KRTAP12-2: variants seen among roughly 807,000 people sequenced by gnomAD.
The protein encoded by KRTAP12-2 is keratin associated protein 12-2.
For missense variants in KRTAP12-2, 166 were observed against 184.2 expected (o/e 0.90, Z 0.57); for synonymous variants, 73 against 83.9 (o/e 0.87, Z 0.71).
chr21:44,666,688 GCA>G, the KRTAP12-2 span: 1 of 1,613,988 alleles, frequency 6.2e-7, no homozygotes, highest in Non-Finnish European at 8.5e-7. Context: ...AAGCTCATGG[GCA>G]CACACACAGA....
Position 44,666,674 on chromosome 21 carries a change from C to T in KRTAP12-2, c.213G>A (p.Lys71=). 6.2e-7 allele frequency: 1 copy of T among 1,613,252 alleles called. No individual in the cohort carries two copies. The highest frequency in any genetic ancestry group is 2.2e-5 in the East Asian group (1 of 44,874). ...AGCTCACGGGCACGCACACAGCTGA[C>T]TTGAAGCTCATGGGCACACACACAG... The part of the protein sequence containing the change: ...QSSVCVPMSF[K]SAVCVPVSCQ... The change falls in exon 1 of 1, where the codon AAG becomes AAA. Residue 71 remains lysine, a synonymous_variant. Coordinates refer to ENST00000360770, the MANE Select transcript of KRTAP12-2 (RefSeq NM_181684.3).
At position 44,666,863 on chromosome 21, in the gene KRTAP12-2, C is replaced by G; in HGVS notation, c.24G>C (p.Ser8=). The part of the protein sequence containing the change: MCHTSCS[S]GCQPACCAPS... ...GCGCGCAGCAGGCTGGCTGGCAGCC[C>G]GAGGAGCAGCTGGTATGACACATGG... The change falls in exon 1 of 1, where the codon TCG becomes TCC. Residue 8 remains serine (S), a synonymous_variant. Coordinates refer to ENST00000360770, the MANE Select transcript of KRTAP12-2 (RefSeq NM_181684.3). 1 of 1,613,602 alleles carries G rather than the reference C, an allele frequency of 6.2e-7. No individual in the cohort carries two copies. Among genetic ancestry groups the G allele is most frequent in the Non-Finnish European group, 8.5e-7 (1 of 1,179,718 alleles).
In KRTAP12-2 at chr21:44,666,878, A is replaced by G. The variant is rs782396885; in HGVS notation, c.9T>C (p.His3=). The change falls in exon 1 of 1, where the codon CAT becomes CAC. Residue 3 remains histidine, a synonymous_variant. Transcript: ENST00000360770. ...GCTGGCAGCCCGAGGAGCAGCTGGTATGACACATGGTGGCGTGTGGCTGGA... is the reference window on the plus strand; with the variant it reads ...GCTGGCAGCCCGAGGAGCAGCTGGTGTGACACATGGTGGCGTGTGGCTGGA... MC[H]TSCSSGCQPA... 3.7e-6 allele frequency: 6 copies of G among 1,613,362 alleles called. No individual in the cohort carries two copies. The highest frequency in any genetic ancestry group is 1.1e-5 in the South Asian group (1 of 91,004).
chr21:44,666,866 G>A lies in KRTAP12-2; in HGVS notation c.21C>T (p.Ser7=), dbSNP rs199664418. The change falls in exon 1 of 1, where the codon TCC becomes TCT. Residue 7 remains serine, a synonymous_variant. Transcript: ENST00000360770. ...CGCAGCAGGCTGGCTGGCAGCCCGA[G>A]GAGCAGCTGGTATGACACATGGTGG... MCHTSC[S]SGCQPACCAP... The A allele has an allele frequency of 1.9e-6, 3 of 1,613,588 alleles. No individual in the cohort carries two copies. The highest frequency in any genetic ancestry group is 1.3e-5 in the African/African-American group (1 of 74,938).
chr21:44,666,261 G>A lies in KRTAP12-2; in HGVS notation c.*185C>T. The A allele has an allele frequency of 5.5e-6, 4 of 730,186 alleles. No homozygotes were observed. Among genetic ancestry groups the A allele is most frequent in the Non-Finnish European group, 8.7e-6 (4 of 457,780 alleles). 45.2% of individuals were successfully genotyped at this position (730,186 alleles called of 1,614,324 possible). A position where few individuals can be genotyped will look rare whatever the true frequency, so the allele number is the denominator to read the frequency against. ...ACTCTGGGACCCCAGACTTCCCTGG[G>A]GGGATGGGCAAGGTCAGCAAGGGCT... On this transcript the variant is annotated 3_prime_UTR_variant, in exon 1 of 1. Coordinates refer to ENST00000360770, the MANE Select transcript of KRTAP12-2 (RefSeq NM_181684.3).
chr21:44,666,271 A>G lies in KRTAP12-2; in HGVS notation c.*175T>C, dbSNP rs1471732428. 2.5e-6 allele frequency: 2 copies of G among 805,138 alleles called. No individual in the cohort carries two copies. The highest frequency in any genetic ancestry group is 3.8e-6 in the Non-Finnish European group (2 of 523,004). The allele number at this position is 805,138 out of a possible 1,614,324, so 49.9% of individuals were successfully genotyped here. ...CCCAGACTTCCCTGGGGGGATGGGC[A>G]AGGTCAGCAAGGGCTCCAGATCATT... On this transcript the variant is annotated 3_prime_UTR_variant, in exon 1 of 1. Transcript: ENST00000360770.
In KRTAP12-2 at chr21:44,666,745, C is replaced by T. The variant is rs200766354; in HGVS notation, c.142G>A (p.Val48Met). ...AGGCACACGGCTGGCTTGAAGCTCA[C>T]GGGCACACACACGGAGGACTGGCAG... The part of the protein sequence containing the change: ...VGCQSSVCVP[V>M]SFKPAVCLPV... Residue 48 changes from valine (V) to methionine (M), a missense_variant, in exon 1 of 1, where the codon GTG (valine) becomes ATG (methionine). Transcript: ENST00000360770. The T allele has an allele frequency of 5.0e-5, 80 of 1,613,502 alleles. No individual in the cohort carries two copies. The highest frequency in any genetic ancestry group is 5.7e-5 in the Non-Finnish European group (67 of 1,179,870).
Position 44,666,753 on chromosome 21 carries a change from C to T in KRTAP12-2, c.134G>A (p.Cys45Tyr), listed in dbSNP as rs1985794378. 1 of 1,613,998 alleles carries T rather than the reference C, an allele frequency of 6.2e-7. No homozygotes were observed. Among genetic ancestry groups the T allele is most frequent in the Non-Finnish European group, 8.5e-7 (1 of 1,180,004 alleles). ...CVPVGCQSSVCVPVSFKPAVC... is the reference protein window; with the variant it reads ...CVPVGCQSSVYVPVSFKPAVC... ...GGCTGGCTTGAAGCTCACGGGCACA[C>T]ACACGGAGGACTGGCAGCCCACAGG... The change falls in exon 1 of 1, where the codon TGT becomes TAT. Residue 45 changes from cysteine to tyrosine, a missense_variant. Transcript: ENST00000360770.
At position 44,666,290 on chromosome 21, in the gene KRTAP12-2, G is replaced by T; in HGVS notation, c.*156C>A. 1 of 974,370 alleles carries T rather than the reference G, an allele frequency of 1.0e-6. No homozygotes were observed. The highest frequency in any genetic ancestry group is 1.5e-6 in the Non-Finnish European group (1 of 665,166). 60.4% of individuals were successfully genotyped at this position (974,370 alleles called of 1,614,324 possible). A position where few individuals can be genotyped will look rare whatever the true frequency, so the allele number is the denominator to read the frequency against. ...ATGGGCAAGGTCAGCAAGGGCTCCA[G>T]ATCATTCTGTCACATTCTCAATCCA... On this transcript the variant is annotated 3_prime_UTR_variant, in exon 1 of 1. Coordinates refer to ENST00000360770, the MANE Select transcript of KRTAP12-2 (RefSeq NM_181684.3).
rs1555944804 is a variant in KRTAP12-2 at position 44,666,642 on chromosome 21, G to A, written c.245C>T (p.Ser82Phe). The change falls in exon 1 of 1, where the codon TCT becomes TTT. Residue 82 changes from serine to phenylalanine, a missense_variant. Transcript: ENST00000360770. ...SAVCVPVSCQ[S>F]SVCVPVSCRP... ...GCAGCTCACAGGCACACACACAGAA[G>A]ACTGGCAGCTCACGGGCACGCACAC... is the stretch of plus-strand genomic sequence containing the variant. 1 of 1,613,594 alleles carries A rather than the reference G, an allele frequency of 6.2e-7. No individual in the cohort carries two copies. Among genetic ancestry groups the A allele is most frequent in the East Asian group, 2.2e-5 (1 of 44,870 alleles).
Position 44,666,834 on chromosome 21 carries a change from C to T in KRTAP12-2, c.53G>A (p.Ser18Asn), listed in dbSNP as rs143686476. The stretch of plus-strand genomic sequence containing the variant: ...CACACAACAGGCTGGCTGGCAGGGG[C>T]TGGGCGCGCAGCAGGCTGGCTGGCA... ...SGCQPACCAP[S>N]PCQPACCVPS... Residue 18 changes from serine (S) to asparagine (N), a missense_variant, in exon 1 of 1, where the codon AGC (serine) becomes AAC (asparagine). Ser to Asn is a conservative substitution (Grantham distance 46, BLOSUM62 1). Coordinates refer to ENST00000360770, the MANE Select transcript of KRTAP12-2 (RefSeq NM_181684.3). 1,871 of 1,609,460 alleles carry T rather than the reference C, an allele frequency of 1.2e-3. 11 individuals carry two copies. The highest frequency in any genetic ancestry group is 9.7e-3 in the Middle Eastern group (59 of 6,052).
chr21:44,666,696 ACAGAAGACT>A lies in KRTAP12-2; in HGVS notation c.182_190del (p.Gln61_Val64delinsLeu). On this transcript the variant is annotated inframe_deletion, in exon 1 of 1. Transcript: ENST00000360770. The stretch of plus-strand genomic sequence containing the variant: ...TGACTTGAAGCTCATGGGCACACAC[ACAGAAGACT>A]GGCAGCTCACGGGCAGGCACACGGC... 1 of 1,613,678 alleles carries A rather than the reference ACAGAAGACT, an allele frequency of 6.2e-7. No homozygotes were observed. The highest frequency in any genetic ancestry group is 8.5e-7 in the Non-Finnish European group (1 of 1,179,812).
chr21:44,666,307 C>T lies in KRTAP12-2; in HGVS notation c.*139G>A. ...GGGCTCCAGATCATTCTGTCACATTCTCAATCCAGAATTCAGAGGGTTCAA... is the reference window on the plus strand; with the variant it reads ...GGGCTCCAGATCATTCTGTCACATTTTCAATCCAGAATTCAGAGGGTTCAA... On this transcript the variant is annotated 3_prime_UTR_variant, in exon 1 of 1. Transcript: ENST00000360770. The T allele has an allele frequency of 9.2e-7, 1 of 1,081,752 alleles. No individual in the cohort carries two copies. The highest frequency in any genetic ancestry group is 1.3e-6 in the Non-Finnish European group (1 of 752,478). The allele number at this position is 1,081,752 out of a possible 1,614,324, so 67.0% of individuals were successfully genotyped here.
In KRTAP12-2 at chr21:44,666,579, G is replaced by A. The variant is rs782059284; in HGVS notation, c.308C>T (p.Ser103Phe). The change falls in exon 1 of 1, where the codon TCC (serine) becomes TTC (phenylalanine). Residue 103 changes from serine to phenylalanine, a missense_variant. Coordinates refer to ENST00000360770, the MANE Select transcript of KRTAP12-2 (RefSeq NM_181684.3). ...CCTGCAGCTCACAGGCACGCACAGG[G>A]AGGACTGGCAGGAGGGGGCTGCACA... ...IVCAAPSCQSSLCVPVSCRPV... is the reference protein window; with the variant it reads ...IVCAAPSCQSFLCVPVSCRPV... 2.5e-6 allele frequency: 4 copies of A among 1,612,682 alleles called. No homozygotes were observed. Among genetic ancestry groups the A allele is most frequent in the South Asian group, 1.1e-5 (1 of 91,024 alleles).
At position 44,666,214 on chromosome 21, in the gene KRTAP12-2, G is replaced by A. The variant is rs1340399623; in HGVS notation, c.*232C>T. On this transcript the variant is annotated 3_prime_UTR_variant, in exon 1 of 1. Coordinates refer to ENST00000360770, the MANE Select transcript of KRTAP12-2 (RefSeq NM_181684.3). ...TGCATGGGGAAAGCTGGTTTATTTGGCTCTCATGGGGTCAGAGAATGACTC... is the reference window on the plus strand; with the variant it reads ...TGCATGGGGAAAGCTGGTTTATTTGACTCTCATGGGGTCAGAGAATGACTC... 92 of 517,460 alleles carry A rather than the reference G, an allele frequency of 1.8e-4. No individual in the cohort carries two copies. The highest frequency in any genetic ancestry group is 4.9e-4 in the Middle Eastern group (1 of 2,044). The allele number at this position is 517,460 out of a possible 1,614,324, so 32.1% of individuals were successfully genotyped here.
Position 44,666,691 on chromosome 21 carries a change from C to T in KRTAP12-2, c.196G>A (p.Val66Met). The T allele has an allele frequency of 6.2e-7, 1 of 1,613,892 alleles. No individual in the cohort carries two copies. Among genetic ancestry groups the T allele is most frequent in the Non-Finnish European group, 8.5e-7 (1 of 1,179,880 alleles). ...ACAGCTGACTTGAAGCTCATGGGCA[C>T]ACACACAGAAGACTGGCAGCTCACG... ...LPVSCQSSVC[V>M]PMSFKSAVCV... The change falls in exon 1 of 1, where the codon GTG becomes ATG. Residue 66 changes from valine (V) to methionine (M), a missense_variant. By Grantham distance (21) the Val-to-Met change is conservative. Coordinates refer to ENST00000360770, the MANE Select transcript of KRTAP12-2 (RefSeq NM_181684.3).
chr21:44,666,695 C>T lies in KRTAP12-2; in HGVS notation c.192G>A (p.Val64=), dbSNP rs781895315. 6.2e-7 allele frequency: 1 copy of T among 1,613,854 alleles called. No individual in the cohort carries two copies. The highest frequency in any genetic ancestry group is 8.5e-7 in the Non-Finnish European group (1 of 1,179,882). Residue 64 remains valine (V), a synonymous_variant, in exon 1 of 1, where the codon GTG becomes GTA. Transcript: ENST00000360770. ...CTGACTTGAAGCTCATGGGCACACACACAGAAGACTGGCAGCTCACGGGCA... is the reference window on the plus strand; with the variant it reads ...CTGACTTGAAGCTCATGGGCACACATACAGAAGACTGGCAGCTCACGGGCA... ...VCLPVSCQSS[V]CVPMSFKSAV...
At position 44,666,558 on chromosome 21, in the gene KRTAP12-2, C is replaced by A. The variant is rs1555944774; in HGVS notation, c.329G>T (p.Cys110Phe). The A allele has an allele frequency of 1.3e-6, 2 of 1,599,826 alleles. No individual in the cohort carries two copies. Among genetic ancestry groups the A allele is most frequent in the South Asian group, 1.1e-5 (1 of 90,004 alleles). The change falls in exon 1 of 1, where the codon TGC becomes TTC. Residue 110 changes from cysteine to phenylalanine, a missense_variant. Transcript: ENST00000360770. ...CGGAGCCGCATACACGACAGGCCTG[C>A]AGCTCACAGGCACGCACAGGGAGGA... is the stretch of plus-strand genomic sequence containing the variant. ...CQSSLCVPVS[C>F]RPVVYAAPSC...
Position 44,666,547 on chromosome 21 carries a change from C to T in KRTAP12-2, c.340G>A (p.Val114Met), listed in dbSNP as rs781888712. Residue 114 changes from valine (V) to methionine (M), a missense_variant, in exon 1 of 1, where the codon GTG (valine) becomes ATG (methionine). By Grantham distance (21) the Val-to-Met change is conservative (BLOSUM62 1). Coordinates refer to ENST00000360770, the MANE Select transcript of KRTAP12-2 (RefSeq NM_181684.3). Reference protein sequence around the residue: ...LCVPVSCRPVVYAAPSCQSSG... With the variant: ...LCVPVSCRPVMYAAPSCQSSG... ...GACTGGCAGGACGGAGCCGCATACA[C>T]GACAGGCCTGCAGCTCACAGGCACG... The T allele has an allele frequency of 5.9e-5, 95 of 1,612,954 alleles. No individual in the cohort carries two copies. The highest frequency in any genetic ancestry group is 1.2e-4 in the African/African-American group (9 of 74,844).
Sources: gnomAD v4.1 joint callset for allele counts on GRCh38, gnomAD v4.1.1 for gene constraint, MANE v1.5 for transcripts, NCBI Gene and HGNC (gene_info 2026-07-23, HGNC 2026-07-21) for gene names.